Variants in PCBP3 observed in about 807,000 individuals in gnomAD.
The protein encoded by PCBP3 is poly(rC) binding protein 3, also known as poly(rC)-binding protein 3.
In PCBP3, 25 loss-of-function variants were observed where a neutral mutation model predicts 52.7. The ratio of observed to expected loss-of-function variants is 0.47; its 90% CI spans 0.35 to 0.66. The LOEUF is 0.66. Ranked by LOEUF, PCBP3 falls within the 30% of genes least tolerant of loss-of-function variation. The pLI is 0.01. For synonymous variants in PCBP3, 162 were observed against 183.0 expected, an observed-to-expected ratio of 0.89 and a Z score of 0.93; for missense variants, 391 against 490.3, an observed-to-expected ratio of 0.80 and a Z score of 1.91.
intron 4 of PCBP3, among the ~76,000 whole-genome samples, chr21:45,784,414 CGCTACCCCTACCTCCTACCT>C (rs1248148049): frequency 2.4e-4 from 34 of 140,602 alleles, no homozygotes; most frequent in African/African-American, 6.5e-4. Flanking sequence ...CTACCGCTAC[CGCTACCCCTACCTCCTACCT>C]CCTACCTCCT....
intron 4 of PCBP3, among the ~76,000 whole-genome samples, chr21:45,820,696 AGAG>A (rs2147371666): frequency 6.6e-6 from 1 of 152,324 alleles, no homozygotes; most frequent in Admixed American, 6.5e-5. Flanking sequence ...CTGAGAAGCC[AGAG>A]GAGGGAGTTC....
chr21:45,902,229 G>A (rs2096073903), intron 9 of PCBP3, among the ~76,000 whole-genome samples: 2 of 151,852 alleles, frequency 1.3e-5, no homozygotes, highest in South Asian at 4.1e-4. Flanking sequence ...AGCAGAGCCT[G>A]TGGCCTGGCC....
In PCBP3 at chr21:45,835,709, A is replaced by C. The variant is rs575064209; in HGVS notation, c.-125-14252A>C. ...CATGGGCCTGGACCCTGGCTCTGGC[A>C]GACTAGGCTGCATAGCAGATCAGCT... On this transcript the variant is annotated intron_variant, in intron 4 of 17. Coordinates refer to ENST00000681687, the MANE Select transcript of PCBP3 (RefSeq NM_001384156.1). 2.0e-5 allele frequency among the ~76,000 whole-genome samples: 3 copies of C among 152,264 alleles called. No individual in the cohort carries two copies. In the South Asian group the frequency reaches 6.2e-4, roughly 32 times the overall value.
At position 45,829,615 on chromosome 21, in the gene PCBP3, TG is replaced by T. The variant is rs1044976755; in HGVS notation, c.-125-20343del. 6.6e-6 allele frequency: 1 copy of T among 152,250 alleles called. No individual in the cohort carries two copies. The highest frequency in any genetic ancestry group is 1.5e-5 in the Non-Finnish European group (1 of 68,052). The allele number at this position is 152,250 out of a possible 1,614,324, so 9.4% of individuals were successfully genotyped here. ...GAAGCTACTTTCCTTGTGCAAATCC[TG>T]GGTTACTGGGTTTCCTCACCCCAGA... On this transcript the variant is annotated intron_variant, in intron 4 of 17. Transcript: ENST00000681687. The surrounding 1 kb of genome is among the most constrained non-coding windows in gnomAD (Gnocchi z 5.2).
chr21:45,914,690 C>G (rs2096471776), intron 12 of PCBP3: 1 of 152,548 alleles, frequency 6.6e-6, no homozygotes, highest in Non-Finnish European at 1.5e-5. Context: ...GCCCCAGCCC[C>G]TCACCTGAGC....
chr21:45,786,334 A>G (rs2091158435), intron 4 of PCBP3, among the ~76,000 whole-genome samples: 1 of 150,676 alleles, frequency 6.6e-6, no homozygotes, highest in South Asian at 2.1e-4. Context: ...CTTGTTGCCC[A>G]GGCTGGAGTG....
intron 2 of PCBP3, among the ~76,000 whole-genome samples, chr21:45,687,959 C>T (rs999754056): frequency 6.6e-6 from 1 of 152,112 alleles, no homozygotes; most frequent in African/African-American, 2.4e-5. Context: ...TCTTCATCTG[C>T]TGACCTCATG....
chr21:45,781,870 A>T (rs1163472357), intron 4 of PCBP3, among the ~76,000 whole-genome samples: 1 of 152,164 alleles, frequency 6.6e-6, no homozygotes, highest in East Asian at 1.9e-4. Context: ...GCAACCACTC[A>T]CTTGCCTTCT....
chr21:45,899,162 G>T (rs1206574299), intron 6 of PCBP3, among the ~76,000 whole-genome samples: 3 of 152,278 alleles, frequency 2.0e-5, no homozygotes, highest in Non-Finnish European at 4.4e-5. Context: ...CTTTTAACAG[G>T]CTGCCGTTGG....
At chr21:45,648,106 G>A (rs190707610) in intron 1 of PCBP3, among the ~76,000 whole-genome samples, 74 of 152,332 alleles carry the variant, frequency 4.9e-4, no homozygotes, top group Admixed American at 7.2e-4. Context: ...CTAGAGACTT[G>A]GGAAAGGAAT....
In PCBP3 at chr21:45,784,566, T is replaced by C. The variant is rs565775111; in HGVS notation, c.-126+29114T>C. Among the ~76,000 whole-genome samples, 5 of 152,332 alleles carry C rather than the reference T, an allele frequency of 3.3e-5. No individual in the cohort carries two copies. In the East Asian group the frequency reaches 9.6e-4, roughly 29 times the overall value. ...GGCTCACTGCAACCTCCCTGCCTGA[T>C]TCTCCTGCCTCAGCCTGCCGAGTGC... On this transcript the variant is annotated intron_variant, in intron 4 of 17. Transcript: ENST00000681687.
chr21:45,909,033 A>G (rs1487990014), intron 9 of PCBP3, among the ~76,000 whole-genome samples: 1 of 151,738 alleles, frequency 6.6e-6, no homozygotes, highest in Non-Finnish European at 1.5e-5. Context: ...CCCTTAGGCC[A>G]GCACCCACAC....
At chr21:45,739,854 T>A (rs140609258) in intron 3 of PCBP3, among the ~76,000 whole-genome samples, 27 of 152,162 alleles carry the variant, frequency 1.8e-4, no homozygotes, top group Non-Finnish European at 1.0e-4. Context: ...TCACACACAC[T>A]CTCTTCGCTT....
intron 13 of PCBP3, among the ~76,000 whole-genome samples, chr21:45,921,616 G>A (rs975552889): frequency 6.6e-6 from 1 of 152,160 alleles, no homozygotes; most frequent in Non-Finnish European, 1.5e-5. Context: ...AGGAGTTTGA[G>A]ACAAGCCTGG....
At chr21:45,919,675 A>G (rs1452638917) in intron 13 of PCBP3, among the ~76,000 whole-genome samples, 1 of 152,210 alleles carries the variant, frequency 6.6e-6, no homozygotes, top group Admixed American at 6.5e-5. Flanking sequence ...AGCTACATCA[A>G]GGACATCTCA....
Position 45,655,363 on chromosome 21 carries a change from C to G in PCBP3, c.-279+11495C>G, listed in dbSNP as rs117832240. 7.6e-4 allele frequency among the ~76,000 whole-genome samples: 116 copies of G among 152,048 alleles called. 2 individuals are homozygous for G. In the East Asian group the frequency reaches 0.022, roughly 28 times the overall value. On this transcript the variant is annotated intron_variant, in intron 1 of 17. Transcript: ENST00000681687. ...ACAATTTGGAATGTAAAATGCTGCACCATTTTATATTCCCATCAGTAATTT... is the reference window on the plus strand; with the variant it reads ...ACAATTTGGAATGTAAAATGCTGCAGCATTTTATATTCCCATCAGTAATTT...
chr21:45,700,328 T>G (rs1312354082), intron 2 of PCBP3, among the ~76,000 whole-genome samples: 1 of 152,156 alleles, frequency 6.6e-6, no homozygotes, highest in African/African-American at 2.4e-5. Context: ...AGTCTTACGG[T>G]TTAAGGAATT....
At chr21:45,929,218 G>A (rs2075859974) in intron 13 of PCBP3, among the ~76,000 whole-genome samples, 1 of 152,234 alleles carries the variant, frequency 6.6e-6, no homozygotes, top group African/African-American at 2.4e-5. Context: ...CAGCCTGCAG[G>A]GACCGGGGAC....
intron 2 of PCBP3, among the ~76,000 whole-genome samples, chr21:45,734,715 G>C (rs994290822): frequency 1.3e-5 from 2 of 152,152 alleles, no homozygotes; most frequent in African/African-American, 4.8e-5. Flanking sequence ...TCTGGGGATC[G>C]TTGTCCTGTG....
Sources: gnomAD v4.1 joint callset for allele counts (sites outside exome capture counted in the v4.1 genomes callset) on GRCh38, gnomAD v4.1.1 for gene constraint, Gnocchi (gnomAD v3.1) non-coding constraint, MANE v1.5 for transcripts, NCBI Gene and HGNC (gene_info 2026-07-23, HGNC 2026-07-21) for gene names.